Variants in TNFSF8 observed in about 807,000 individuals in gnomAD.
The protein encoded by TNFSF8 is tumor necrosis factor ligand superfamily member 8.
In TNFSF8, 4 loss-of-function variants were observed where a neutral mutation model predicts 22.0. The ratio of observed to expected loss-of-function variants is 0.18; its 90% CI spans 0.09 to 0.42. The LOEUF (loss-of-function observed/expected upper bound fraction) is 0.42, where lower values mean the gene tolerates loss of function less well. TNFSF8 is among the 10% of genes least tolerant of loss of function. TNFSF8 has a pLI of 1.00. For synonymous variants in TNFSF8, 106 were observed against 112.5 expected, an observed-to-expected ratio of 0.94 and a Z score of 0.37; for missense variants, 233 against 281.8, an observed-to-expected ratio of 0.83 and a Z score of 1.24.
At chr9:114,899,342 A>ATTTTTTTTT (rs137946179), downstream of TNFSF8, among the ~76,000 whole-genome samples, 119 of 142,628 alleles carry the variant, frequency 8.3e-4, 3 homozygotes, top group African/African-American at 2.7e-3. Context: ...ACAGTAAGTT[A>ATTTTTTTTT]TTATTTTTTT....
intron 2 of TNFSF8, among the ~76,000 whole-genome samples, chr9:114,913,197 G>A (rs1827873462): frequency 6.6e-6 from 1 of 152,184 alleles, no homozygotes; most frequent in Non-Finnish European, 1.5e-5. Flanking sequence ...AGGCGAGGGT[G>A]GAGTTGTCAG....
Position 114,902,906 on chromosome 9 carries a change from C to G in TNFSF8, c.*1025G>C. 3.0e-6 allele frequency: 1 copy of G among 337,336 alleles called. No homozygotes were observed. The highest frequency in any genetic ancestry group is 1.2e-4 in the South Asian group (1 of 8,440). The allele number at this position is 337,336 out of a possible 1,614,324, so 20.9% of individuals were successfully genotyped here. The stretch of plus-strand genomic sequence containing the variant: ...TGTATACAAGTTTAATTTCTCATAC[C>G]AGAAGCCGGGCTTAGTCACCCTTGA... On this transcript the variant is annotated 3_prime_UTR_variant, in exon 4 of 4. Transcript: ENST00000223795.
At chr9:114,916,560 G>C (rs956982092) in intron 2 of TNFSF8, among the ~76,000 whole-genome samples, 7 of 152,158 alleles carry the variant, frequency 4.6e-5, no homozygotes, top group African/African-American at 1.7e-4. Flanking sequence ...AGTGGGAGTG[G>C]GGAGGGGCAA....
Position 114,930,295 on chromosome 9 carries a change from T to A in TNFSF8, c.9A>T (p.Pro3=). The A allele has an allele frequency of 6.3e-7, 1 of 1,575,060 alleles. No individual in the cohort carries two copies. Among genetic ancestry groups the A allele is most frequent in the South Asian group, 1.2e-5 (1 of 86,644 alleles). The change falls in exon 1 of 4, where the codon CCA becomes CCT. Residue 3 remains proline (P), a synonymous_variant. Coordinates refer to ENST00000223795, the MANE Select transcript of TNFSF8 (RefSeq NM_001244.4). ...TTCCGTTGAGTGCTTGCTGCAGCCC[T>A]GGGTCCATTCTTTATATAGTCTTCC... The part of the protein sequence containing the change: MD[P]GLQQALNGMA...
intron 1 of TNFSF8, among the ~76,000 whole-genome samples, chr9:114,919,390 T>C (rs1251660794): frequency 2.0e-5 from 3 of 152,092 alleles, no homozygotes; most frequent in Non-Finnish European, 4.4e-5. Context: ...GGATTGAAGG[T>C]GACTAAAGGG....
chr9:114,926,641 T>G (rs1028951761), intron 1 of TNFSF8, among the ~76,000 whole-genome samples: 1 of 152,188 alleles, frequency 6.6e-6, no homozygotes, highest in African/African-American at 2.4e-5. Flanking sequence ...TGGAAGGATC[T>G]CTAAGATATA....
chr9:114,925,143 A>G (rs556551600), intron 1 of TNFSF8, among the ~76,000 whole-genome samples: 1 of 152,326 alleles, frequency 6.6e-6, no homozygotes, highest in African/African-American at 2.4e-5. Context: ...GAGAGAGTCC[A>G]GTGGCAGTGA....
chr9:114,930,319 C>T lies in TNFSF8; in HGVS notation c.-16G>A, dbSNP rs1828125391. The T allele has an allele frequency of 6.7e-7, 1 of 1,494,910 alleles. No individual in the cohort carries two copies. Among genetic ancestry groups the T allele is most frequent in the Non-Finnish European group, 9.0e-7 (1 of 1,116,568 alleles). 92.6% of individuals were successfully genotyped at this position (1,494,910 alleles called of 1,614,324 possible). On this transcript the variant is annotated 5_prime_UTR_variant, in exon 1 of 4. Coordinates refer to ENST00000223795, the MANE Select transcript of TNFSF8 (RefSeq NM_001244.4). ...CTGGGTCCATTCTTTATATAGTCTTCCCCACATCACACCTTATCTCTCTTC... is the reference window on the plus strand; with the variant it reads ...CTGGGTCCATTCTTTATATAGTCTTTCCCACATCACACCTTATCTCTCTTC...
chr9:114,923,195 G>A (rs1353649328), intron 1 of TNFSF8, among the ~76,000 whole-genome samples: 1 of 152,022 alleles, frequency 6.6e-6, no homozygotes, highest in Admixed American at 6.6e-5. Flanking sequence ...TCACACCTGG[G>A]CTTGCCTTCT....
At chr9:114,895,792 C>G (rs1827650026) in intron 4 of TNFSF8, among the ~76,000 whole-genome samples, 2 of 152,192 alleles carry the variant, frequency 1.3e-5, no homozygotes, top group Non-Finnish European at 2.9e-5. Flanking sequence ...GGCCACTATT[C>G]TTTCCCATCT....
At chr9:114,917,999 G>A in intron 2 of TNFSF8, 97 bp downstream of exon 2, 1 of 1,275,580 alleles carries the variant, frequency 7.8e-7, no homozygotes, top group South Asian at 1.5e-5. Context: ...GTTGGGTCAT[G>A]TCATAGAGTT....
chr9:114,906,524 C>T (rs543982825), intron 2 of TNFSF8, among the ~76,000 whole-genome samples: 1 of 152,272 alleles, frequency 6.6e-6, no homozygotes, highest in Non-Finnish European at 1.5e-5. Flanking sequence ...TGTGTAAATG[C>T]TGGAATTGCC....
At chr9:114,911,732 G>A (rs557229330) in intron 2 of TNFSF8, among the ~76,000 whole-genome samples, 28 of 147,864 alleles carry the variant, frequency 1.9e-4, no homozygotes, top group South Asian at 4.4e-4. Context: ...GCCTCCCCCC[G>A]CCCCCTGCCC....
Position 114,904,182 on chromosome 9 carries a change from G to A in TNFSF8, c.454C>T (p.Pro152Ser), listed in dbSNP as rs760434451. 2 of 1,613,932 alleles carry A rather than the reference G, an allele frequency of 1.2e-6. No homozygotes were observed. The highest frequency in any genetic ancestry group is 1.7e-6 in the Non-Finnish European group (2 of 1,179,996). Residue 152 changes from proline to serine, a missense_variant, in exon 4 of 4, where the codon CCA (proline) becomes TCA (serine). Transcript: ENST00000223795. ...ICQLQFLVQC[P>S]NNSVDLKLEL... Reference sequence around the variant, plus strand: ...AACTTCAGATCGACAGAATTATTTGGGCATTGTACAAGAAACTGCAGTTGG... The same window carrying A: ...AACTTCAGATCGACAGAATTATTTGAGCATTGTACAAGAAACTGCAGTTGG...
At chr9:114,899,195 A>G (rs1827689047), downstream of TNFSF8, among the ~76,000 whole-genome samples, 1 of 152,176 alleles carries the variant, frequency 6.6e-6, no homozygotes, top group Non-Finnish European at 1.5e-5. Context: ...ATAATACTAG[A>G]GCCTGAGCTG....
intron 2 of TNFSF8, among the ~76,000 whole-genome samples, chr9:114,908,390 G>A (rs568725520): frequency 1.9e-4 from 29 of 152,340 alleles, no homozygotes; most frequent in African/African-American, 6.0e-4. Flanking sequence ...TGGCATTGCA[G>A]GTCAGGCTAG....
In TNFSF8 at chr9:114,903,792, A is replaced by T; in HGVS notation, c.*139T>A. 7.0e-7 allele frequency: 1 copy of T among 1,427,110 alleles called. No individual in the cohort carries two copies. The highest frequency in any genetic ancestry group is 9.1e-7 in the Non-Finnish European group (1 of 1,097,188). The allele number at this position is 1,427,110 out of a possible 1,614,324, so 88.4% of individuals were successfully genotyped here. On this transcript the variant is annotated 3_prime_UTR_variant, in exon 4 of 4. Transcript: ENST00000223795. ...AACCCTGGAGCTGTATCTTTCCAAG[A>T]GACAGAAGGAGAAGTATACTATTTA...
At chr9:114,918,268 A>G in intron 1 of TNFSF8, 130 bp from the exon 2 acceptor site, 1 of 712,076 alleles carries the variant, frequency 1.4e-6, no homozygotes, top group Non-Finnish European at 2.2e-6. Context: ...CTGAATTTTA[A>G]AAATTAATTC....
chr9:114,921,722 A>C (rs111509799), intron 1 of TNFSF8, among the ~76,000 whole-genome samples: 121 of 152,306 alleles, frequency 7.9e-4, no homozygotes, highest in Non-Finnish European at 1.4e-3. Context: ...TATCTTGCTC[A>C]ATGACTTGGC....
Sources: gnomAD v4.1 joint callset for allele counts (sites outside exome capture counted in the v4.1 genomes callset) on GRCh38, gnomAD v4.1.1 for gene constraint, MANE v1.5 for transcripts, NCBI Gene and HGNC (gene_info 2026-07-23, HGNC 2026-07-21) for gene names.